Variants in UGT2B11 observed in about 807,000 individuals in gnomAD.
UGT2B11 encodes UDP glucuronosyltransferase family 2 member B11.
UGT2B11 carries 49 observed loss-of-function variants against 51.7 expected under a neutral mutation model. The ratio of observed to expected loss-of-function variants is 0.95; its 90% CI spans 0.75 to 1.20. The LOEUF is 1.20. UGT2B11 is among the 50% of genes most tolerant of loss of function. The pLI is 0.00. For synonymous variants in UGT2B11, 273 were observed against 209.0 expected, an observed-to-expected ratio of 1.31 and a Z score of -2.64; for missense variants, 810 against 622.1, an observed-to-expected ratio of 1.30 and a Z score of -3.21.
the UGT2B11 span, among the ~76,000 whole-genome samples, chr4:69,222,276 T>G: frequency 6.6e-6 from 1 of 152,386 alleles, no homozygotes; most frequent in African/African-American, 2.4e-5. Context: ...TTAAAATAAG[T>G]TGGCCTTCAA....
At chr4:69,203,042 T>C (rs926866277) in intron 5 of UGT2B11, among the ~76,000 whole-genome samples, 5 of 151,734 alleles carry the variant, frequency 3.3e-5, no homozygotes, top group African/African-American at 9.6e-5. Flanking sequence ...AAAATTATAT[T>C]TTTTGTGCTT....
rs747364029 is a variant in UGT2B11 at position 69,208,393 on chromosome 4, C to A, written c.960G>T (p.Arg320Ser). Residue 320 changes from arginine (R) to serine (S), a missense_variant, in exon 3 of 6, where the codon AGG becomes AGT. Coordinates refer to ENST00000446444, the MANE Select transcript of UGT2B11 (RefSeq NM_001073.3). ...CAAGGGCTGTTGCAATTACATTGGC[C>A]CTTTCTGCTGTCATGTTACTTATCA... ...GSVISNMTAE[R>S]ANVIATALAK... The A allele has an allele frequency of 6.2e-7, 1 of 1,610,880 alleles. No homozygotes were observed. The highest frequency in any genetic ancestry group is 1.1e-5 in the South Asian group (1 of 90,972).
At chr4:69,206,519 C>A (rs570066885) in intron 3 of UGT2B11, among the ~76,000 whole-genome samples, 1 of 151,326 alleles carries the variant, frequency 6.6e-6, no homozygotes, top group Non-Finnish European at 1.5e-5. Context: ...AAATAATAAA[C>A]GAATATTAGT....
intron 2 of UGT2B11, 90 bp downstream of exon 2, chr4:69,212,483 T>A (rs1327194899): frequency 1.9e-6 from 3 of 1,556,574 alleles, no homozygotes. Context: ...TTTCTTTCAG[T>A]GTAAGTCAAA....
intron 3 of UGT2B11, among the ~76,000 whole-genome samples, chr4:69,206,418 A>T (rs1721857608): frequency 6.6e-6 from 1 of 151,810 alleles, no homozygotes; most frequent in Non-Finnish European, 1.5e-5. Context: ...GTGGAAGCTA[A>T]AAGATGAGAA....
intron 2 of UGT2B11, among the ~76,000 whole-genome samples, chr4:69,210,520 T>C (rs1722021513): frequency 6.6e-6 from 1 of 151,606 alleles, no homozygotes; most frequent in Non-Finnish European, 1.5e-5. Flanking sequence ...CATTCAAAGC[T>C]TTCTGCAAGT....
rs1721940646 is a variant in UGT2B11, at chr4:69,208,439, A to G, written c.914T>C (p.Val305Ala). 1.2e-6 allele frequency: 2 copies of G among 1,609,902 alleles called. No homozygotes were observed. Among genetic ancestry groups the G allele is most frequent in the Non-Finnish European group, 1.7e-6 (2 of 1,178,122 alleles). ...TATCACTGACCCCAGAGAAAACACC[A>G]CAACACCATTTTCTCCAGAGCTCTG... The part of the protein sequence containing the change: ...FVQSSGENGV[V>A]VFSLGSVISN... Residue 305 changes from valine to alanine, a missense_variant, in exon 3 of 6, where the codon GTG (valine) becomes GCG (alanine). By Grantham distance (64) the Val-to-Ala change is moderately conservative (BLOSUM62 0). Transcript: ENST00000446444.
At position 69,214,716 on chromosome 4, in the gene UGT2B11, G is replaced by A; in HGVS notation, c.7C>T (p.Leu3=). The A allele has an allele frequency of 6.2e-7, 1 of 1,612,066 alleles. No individual in the cohort carries two copies. Among genetic ancestry groups the A allele is most frequent in the South Asian group, 1.1e-5 (1 of 90,978 alleles). The stretch of plus-strand genomic sequence containing the variant: ...AGCAGAAGAACTGAAGTCCATTTCA[G>A]AGTCATCCTGGTGCAATGCGATCAT... MT[L]KWTSVLLLIH... The change falls in exon 1 of 6, where the codon CTG becomes TTG. Residue 3 remains leucine (L), a synonymous_variant. Coordinates refer to ENST00000446444, the MANE Select transcript of UGT2B11 (RefSeq NM_001073.3).
At chr4:69,221,693 C>T in the UGT2B11 span, among the ~76,000 whole-genome samples, 1 of 152,178 alleles carries the variant, frequency 6.6e-6, no homozygotes, top group African/African-American at 2.4e-5. Flanking sequence ...TAAGATTCCT[C>T]GGATAGAAAC....
intron 1 of UGT2B11, among the ~76,000 whole-genome samples, chr4:69,213,380 A>G (rs1400488255): frequency 2.0e-5 from 3 of 151,822 alleles, no homozygotes; most frequent in Admixed American, 6.6e-5. Context: ...AACTATATAG[A>G]TATAACAACC....
At position 69,204,466 on chromosome 4, in the gene UGT2B11, A is replaced by G. The variant is rs1361740890; in HGVS notation, c.1274T>C (p.Leu425Pro). The G allele has an allele frequency of 6.2e-7, 1 of 1,611,916 alleles. No individual in the cohort carries two copies. Among genetic ancestry groups the G allele is most frequent in the East Asian group, 2.2e-5 (1 of 44,784 alleles). ...LDFNTMSSTD[L>P]LNALKTVIND... ...AATTACTGTCTTCAGTGCATTCAGC[A>G]GGTCTGTACTCGACATTGTGTTGAA... Residue 425 changes from leucine to proline, a missense_variant, in exon 5 of 6, where the codon CTG becomes CCG. Leu to Pro is a moderately conservative substitution (Grantham distance 98). Transcript: ENST00000446444.
upstream of UGT2B11, among the ~76,000 whole-genome samples, chr4:69,218,860 A>T (rs1486812343): frequency 1.3e-5 from 2 of 152,154 alleles, no homozygotes; most frequent in African/African-American, 2.4e-5. Context: ...TTTTGTCTGC[A>T]GCTCCATCTC....
At chr4:69,203,237 T>G (rs1041499883) in intron 5 of UGT2B11, among the ~76,000 whole-genome samples, 1 of 151,718 alleles carries the variant, frequency 6.6e-6, no homozygotes, top group African/African-American at 2.4e-5. Flanking sequence ...GATATATGAA[T>G]GGTCAACAAT....
intron 5 of UGT2B11, among the ~76,000 whole-genome samples, chr4:69,202,069 T>G (rs1721678352): frequency 6.6e-6 from 1 of 151,804 alleles, no homozygotes; most frequent in Admixed American, 6.6e-5. Flanking sequence ...AATTACATAA[T>G]ACGTACTCAA....
chr4:69,214,831 T>C, upstream of UGT2B11: 1 of 1,495,094 alleles, frequency 6.7e-7, no homozygotes, highest in Non-Finnish European at 8.9e-7. Context: ...AAAGTAAATA[T>C]ATTATAGGAG....
chr4:69,223,073 T>C, the UGT2B11 span, among the ~76,000 whole-genome samples: 1 of 152,154 alleles, frequency 6.6e-6, no homozygotes, highest in Non-Finnish European at 1.5e-5. Context: ...GGGACATCAC[T>C]CCATTTATCT....
At chr4:69,223,036 C>G in the UGT2B11 span, among the ~76,000 whole-genome samples, 1 of 152,076 alleles carries the variant, frequency 6.6e-6, no homozygotes, top group Non-Finnish European at 1.5e-5. Context: ...AGTACTGTCA[C>G]GAAGGGCAAA....
intron 4 of UGT2B11, 88 bp downstream of exon 4, chr4:69,205,391 TC>T (rs1721812124): frequency 6.6e-7 from 1 of 1,510,698 alleles, no homozygotes; most frequent in Non-Finnish European, 9.0e-7. Context: ...TTTTTTGTTT[TC>T]CTATAACAAA....
At chr4:69,205,342 C>A (rs560488106) in intron 4 of UGT2B11, 138 bp downstream of exon 4, 10 of 1,146,156 alleles carry the variant, frequency 8.7e-6, no homozygotes, top group South Asian at 1.5e-5. Context: ...CTACCATATT[C>A]TTTTCCCCTA....
Sources: gnomAD v4.1 joint callset for allele counts (sites outside exome capture counted in the v4.1 genomes callset) on GRCh38, gnomAD v4.1.1 for gene constraint, MANE v1.5 for transcripts, NCBI Gene and HGNC (gene_info 2026-07-23, HGNC 2026-07-21) for gene names.